Variants in RNF40 observed in about 807,000 individuals in gnomAD.
The protein encoded by RNF40 is ring finger protein 40.
RNF40 carries 39 observed loss-of-function variants against 123.3 expected under a neutral mutation model. That is an observed-to-expected ratio of 0.32 (90% CI 0.24 to 0.41). The LOEUF (loss-of-function observed/expected upper bound fraction) is 0.41, where lower values mean the gene tolerates loss of function less well. RNF40 is among the 10% of genes least tolerant of loss of function. RNF40 has a pLI of 1.00. For missense variants in RNF40, 1,003 were observed against 1,319.9 expected, an observed-to-expected ratio of 0.76 and a Z score of 3.72; for synonymous variants, 538 against 526.0, an observed-to-expected ratio of 1.02 and a Z score of -0.31.
intron 4 of RNF40, 130 bp downstream of exon 4, chr16:30,763,689 C>A (rs983144213): frequency 1.1e-6 from 1 of 934,366 alleles, no homozygotes; most frequent in Non-Finnish European, 1.6e-6. Flanking sequence ...CATGTTTGGG[C>A]AGTAAAGTGC....
Position 30,768,546 on chromosome 16 carries a change from TG to T in RNF40, c.1979+17del, listed in dbSNP as rs1300934691. ...CAGAGCTCAAGTGAGGCTCTGTTCCTGTCTCCTTCCTGACCCTGCCAGGTGG... is the reference window on the plus strand; with the variant it reads ...CAGAGCTCAAGTGAGGCTCTGTTCCTTCTCCTTCCTGACCCTGCCAGGTGG... On this transcript the variant is annotated intron_variant, in intron 13 of 19. Coordinates refer to ENST00000324685, the MANE Select transcript of RNF40 (RefSeq NM_014771.4). This position sits in a 1 kb window ranked among gnomAD's most constrained non-coding sequence, Gnocchi z 4.1. 1.9e-6 allele frequency: 3 copies of T among 1,613,368 alleles called. No individual in the cohort carries two copies. Among genetic ancestry groups the T allele is most frequent in the Non-Finnish European group, 2.5e-6 (3 of 1,179,440 alleles).
rs1407773596 is a variant in RNF40 at position 30,768,869 on chromosome 16, TGGA to T, written c.2134_2136del (p.Glu712del). 6.2e-7 allele frequency: 1 copy of T among 1,614,162 alleles called. No homozygotes were observed. Among genetic ancestry groups the T allele is most frequent in the Admixed American group, 1.7e-5 (1 of 60,028 alleles). On this transcript the variant is annotated inframe_deletion, in exon 15 of 20. Transcript: ENST00000324685. This position sits in a 1 kb window ranked among gnomAD's most constrained non-coding sequence, Gnocchi z 4.1. ...GAGCTGCGGAGCCGCATCCGGGAAT[TGGA>T]GGAGAGGGATCGAAGGGAGAGCAAG... is the stretch of plus-strand genomic sequence containing the variant.
rs1221746117 is a variant in RNF40 at position 30,771,699 on chromosome 16, G to A, written c.2587-134G>A. 6.4e-6 allele frequency: 6 copies of A among 944,084 alleles called. No individual in the cohort carries two copies. In the African/African-American group the frequency reaches 6.6e-5, roughly 10 times the overall value. The allele number at this position is 944,084 out of a possible 1,614,324, so 58.5% of individuals were successfully genotyped here. A position where few individuals can be genotyped will look rare whatever the true frequency, so the allele number is the denominator to read the frequency against. The stretch of plus-strand genomic sequence containing the variant: ...AGGGAGAACAGGAGGGGAGGGCTTA[G>A]GGCTCAGGAGGCAGGAGCAGCTCCA... On this transcript the variant is annotated intron_variant, in intron 17 of 19. Coordinates refer to ENST00000324685, the MANE Select transcript of RNF40 (RefSeq NM_014771.4).
chr16:30,765,121 A>G, intron 6 of RNF40, 60 bp from the exon 7 acceptor site: 1 of 1,611,332 alleles, frequency 6.2e-7, no homozygotes, highest in Non-Finnish European at 8.5e-7. Flanking sequence ...TTAGATGGGC[A>G]CTCAGGGACC....
rs1199949895 is a variant in RNF40 at position 30,774,595 on chromosome 16, C to T, written c.*481C>T. On this transcript the variant is annotated 3_prime_UTR_variant, in exon 20 of 20. Transcript: ENST00000324685. ...AGGAAGACTTTCCTTCACCCACCAT[C>T]CCCCTAACCTCGGCAGGGCTTCTGT... is the stretch of plus-strand genomic sequence containing the variant. 9.0e-6 allele frequency: 2 copies of T among 221,590 alleles called. No homozygotes were observed. The highest frequency in any genetic ancestry group is 1.3e-4 in the South Asian group (2 of 15,990). The allele number at this position is 221,590 out of a possible 1,614,324, so 13.7% of individuals were successfully genotyped here. A position where few individuals can be genotyped will look rare whatever the true frequency, so the allele number is the denominator to read the frequency against.
chr16:30,762,746 G>A, intron 2 of RNF40, 69 bp downstream of exon 2: 1 of 1,574,308 alleles, frequency 6.4e-7, no homozygotes, highest in East Asian at 2.2e-5. Context: ...GCCAAACTGT[G>A]CGGAATCTTA....
In RNF40 at chr16:30,771,973, G is replaced by GGT. The variant is rs1283478155; in HGVS notation, c.2727+6_2727+7dup. 6.3e-7 allele frequency: 1 copy of GGT among 1,592,598 alleles called. No homozygotes were observed. The highest frequency in any genetic ancestry group is 8.6e-7 in the Non-Finnish European group (1 of 1,166,478). ...AGAGCTTCAACCTCAAGAGGGCTCAGGTGTGTGCAGGGGTGAGGGGCCAGG... is the reference window on the plus strand; with the variant it reads ...AGAGCTTCAACCTCAAGAGGGCTCAGGTGTGTGTGCAGGGGTGAGGGGCCAGG... On this transcript the variant is annotated frameshift_variant and splice_region_variant. Transcript: ENST00000324685. LOFTEE classifies it high-confidence loss of function.
At position 30,775,000 on chromosome 16, in the gene RNF40, CCT is replaced by C; in HGVS notation, c.*887_*888del. On this transcript the variant is annotated 3_prime_UTR_variant, in exon 20 of 20. Transcript: ENST00000324685. ...ATCATTCCAGCTAGAAGAGCTTCCCCCTGACACCCTGTGACTGAGCCTGTGTC... is the reference window on the plus strand; with the variant it reads ...ATCATTCCAGCTAGAAGAGCTTCCCCGACACCCTGTGACTGAGCCTGTGTC... The C allele has an allele frequency of 2.2e-6, 1 of 456,550 alleles. No homozygotes were observed. Among genetic ancestry groups the C allele is most frequent in the Admixed American group, 2.3e-5 (1 of 42,574 alleles). 28.3% of individuals were successfully genotyped at this position (456,550 alleles called of 1,614,324 possible). A position where few individuals can be genotyped will look rare whatever the true frequency, so the allele number is the denominator to read the frequency against.
chr16:30,773,760 C>A (rs2054186955), intron 19 of RNF40, 178 bp from the exon 20 acceptor site: 3 of 569,996 alleles, frequency 5.3e-6, no homozygotes, highest in Non-Finnish European at 9.2e-6. Context: ...GTGTTGAGAC[C>A]TTGGCCTCTG....
chr16:30,767,955 A>G lies in RNF40; in HGVS notation c.1491A>G (p.Leu497=), dbSNP rs755343868. 2.7e-5 allele frequency: 44 copies of G among 1,614,038 alleles called. No individual in the cohort carries two copies. Among genetic ancestry groups the G allele is most frequent in the Non-Finnish European group, 3.6e-5 (43 of 1,180,038 alleles). The change falls in exon 12 of 20, where the codon CTA becomes CTG. Residue 497 remains leucine (L), a synonymous_variant. Transcript: ENST00000324685. ...ISSLQNHNHQ[L]KGDAQRYKRK... is the part of the protein sequence containing the mutation. ...GTCTTCAAAACCACAACCACCAGCT[A>G]AAAGGGGACGCCCAGCGATACAAGC...
chr16:30,766,860 G>A lies in RNF40; in HGVS notation c.1413G>A (p.Ala471=), dbSNP rs761945814. The A allele has an allele frequency of 1.7e-5, 28 of 1,613,364 alleles. No homozygotes were observed. The South Asian group carries it at 2.0e-4, about 11-fold the overall frequency. ...GCATCGAGTTTGAGCAGAATCTGGC[G>A]GCCAACGAGCAGGCGGGTATGTGGT... ...MLRIEFEQNL[A]ANEQAGPINR... The change falls in exon 11 of 20, where the codon GCG becomes GCA. Residue 471 remains alanine (A), a synonymous_variant. Coordinates refer to ENST00000324685, the MANE Select transcript of RNF40 (RefSeq NM_014771.4). This position sits in a 1 kb window ranked among gnomAD's most constrained non-coding sequence, Gnocchi z 5.4.
chr16:30,773,603 A>G (rs1467809054), intron 19 of RNF40: 3 of 241,038 alleles, frequency 1.2e-5, no homozygotes, highest in Non-Finnish European at 2.4e-5. Flanking sequence ...GGTAGACAAG[A>G]TTGGGATTTC....
In RNF40 at chr16:30,774,308, C is replaced by T. The variant is rs749130886; in HGVS notation, c.*194C>T. 3.3e-6 allele frequency: 2 copies of T among 599,498 alleles called. No individual in the cohort carries two copies. The highest frequency in any genetic ancestry group is 1.9e-5 in the African/African-American group (1 of 53,996). The allele number at this position is 599,498 out of a possible 1,614,324, so 37.1% of individuals were successfully genotyped here. A position where few individuals can be genotyped will look rare whatever the true frequency, so the allele number is the denominator to read the frequency against. On this transcript the variant is annotated 3_prime_UTR_variant, in exon 20 of 20. Coordinates refer to ENST00000324685, the MANE Select transcript of RNF40 (RefSeq NM_014771.4). ...CAGCCAAGCTTCGTTCCATCTTTTC[C>T]TAAAGGTCAGAGCTGCAGCCTAGGG...
chr16:30,765,789 C>A (rs2054018190), intron 8 of RNF40, among the ~76,000 whole-genome samples: 1 of 152,174 alleles, frequency 6.6e-6, no homozygotes, highest in Non-Finnish European at 1.5e-5. Flanking sequence ...GACAAGAAAT[C>A]AGTAAAATAG....
intron 17 of RNF40, among the ~76,000 whole-genome samples, chr16:30,771,616 CA>C (rs551320622): frequency 6.7e-6 from 1 of 149,802 alleles, no homozygotes; most frequent in Non-Finnish European, 1.5e-5. Context: ...GACTCCGTCT[CA>C]AAAAAACAAA....
chr16:30,769,396 C>A lies in RNF40; in HGVS notation c.2458C>A (p.Gln820Lys). ...CGAGCAGGTCCTTGGCCTCAAGTCC[C>A]AGGTATGGCCGCCGCCAGCTTGCAG... ...LGEQVLGLKS[Q>K]VDAQLLTVQK... is the part of the protein sequence containing the mutation. Residue 820 changes from glutamine (Q) to lysine (K), a missense_variant and splice_region_variant, in exon 16 of 20, where the codon CAG becomes AAG. By Grantham distance (53) the Gln-to-Lys change is moderately conservative. Transcript: ENST00000324685. 1.2e-6 allele frequency: 2 copies of A among 1,614,184 alleles called. No homozygotes were observed. The highest frequency in any genetic ancestry group is 1.1e-5 in the South Asian group (1 of 91,078).
At position 30,766,069 on chromosome 16, in the gene RNF40, G is replaced by A; in HGVS notation, c.994-94G>A. The A allele has an allele frequency of 1.9e-6, 3 of 1,560,634 alleles. No individual in the cohort carries two copies. Among genetic ancestry groups the A allele is most frequent in the East Asian group, 2.3e-5 (1 of 44,284 alleles). ...GTCAGAATCGATCATTGCCCTGCAC[G>A]GGGTGCTTGGGGTGGAGTGTATGCT... is the stretch of plus-strand genomic sequence containing the variant. On this transcript the variant is annotated intron_variant, in intron 8 of 19. Coordinates refer to ENST00000324685, the MANE Select transcript of RNF40 (RefSeq NM_014771.4). This position sits in a 1 kb window ranked among gnomAD's most constrained non-coding sequence, Gnocchi z 5.4.
rs371891868 is a variant in RNF40, at chr16:30,766,502, C to T, written c.1237C>T (p.Arg413Trp). 1.8e-5 allele frequency: 29 copies of T among 1,613,272 alleles called. No homozygotes were observed. Among genetic ancestry groups the T allele is most frequent in the African/African-American group, 1.1e-4 (8 of 74,890 alleles). The stretch of plus-strand genomic sequence containing the variant: ...AGTGAAGACCCAGCTAGACGAGGCT[C>T]GGGGCCTGCTGCTGGCCACAAAGAA... Reference protein sequence around the residue: ...LQVKTQLDEARGLLLATKNSH... With the variant: ...LQVKTQLDEAWGLLLATKNSH... Residue 413 changes from arginine to tryptophan, a missense_variant, in exon 10 of 20, where the codon CGG (arginine) becomes TGG (tryptophan). By Grantham distance (101) the Arg-to-Trp change is moderately radical. Coordinates refer to ENST00000324685, the MANE Select transcript of RNF40 (RefSeq NM_014771.4). This position sits in a 1 kb window ranked among gnomAD's most constrained non-coding sequence, Gnocchi z 5.4.
intron 19 of RNF40, 200 bp from the exon 20 acceptor site, chr16:30,773,738 T>C (rs1161028623): frequency 5.9e-6 from 3 of 506,860 alleles, no homozygotes; most frequent in Admixed American, 3.4e-5. Context: ...ATCCGGACTC[T>C]GCTGATTTCT....
Sources: gnomAD v4.1 joint callset for allele counts (sites outside exome capture counted in the v4.1 genomes callset) on GRCh38, gnomAD v4.1.1 for gene constraint, Gnocchi (gnomAD v3.1) non-coding constraint, MANE v1.5 for transcripts, NCBI Gene and HGNC (gene_info 2026-07-23, HGNC 2026-07-21) for gene names.